The following GALNT17 variants were observed in gnomAD, a reference collection of about 807,000 sequenced individuals.
GALNT17 encodes the protein polypeptide N-acetylgalactosaminyltransferase 17.
Under a neutral mutation model 63.7 loss-of-function variants are expected in GALNT17, and 29 were observed. That is an observed-to-expected ratio of 0.46 (90% confidence interval 0.34 to 0.62). The LOEUF (loss-of-function observed/expected upper bound fraction) is 0.62. Ranked by LOEUF, GALNT17 falls within the 20% of genes least tolerant of loss-of-function variation. GALNT17 has a pLI of 0.01. For missense variants in GALNT17, 603 were observed against 799.6 expected (o/e 0.75, Z 2.97); for synonymous variants, 305 against 318.3 (o/e 0.96, Z 0.45).
chr7:71,650,249 CTATT>C (rs1447890686), intron 6 of GALNT17, among the ~76,000 whole-genome samples: 2 of 152,136 alleles, frequency 1.3e-5, no homozygotes, highest in Non-Finnish European at 2.9e-5. Flanking sequence ...ATCAATCATG[CTATT>C]TATTTATTTT....
intron 5 of GALNT17, among the ~76,000 whole-genome samples, chr7:71,469,167 C>A (rs964463682): frequency 8.6e-5 from 13 of 151,966 alleles, no homozygotes; most frequent in African/African-American, 3.1e-4. Flanking sequence ...TGTGAAGGTT[C>A]TAAGGTGGAA....
chr7:71,646,769 T>C (rs993945924), intron 6 of GALNT17, among the ~76,000 whole-genome samples: 1 of 131,944 alleles, frequency 7.6e-6, no homozygotes, highest in African/African-American at 3.0e-5. Flanking sequence ...TTTTTTGAGA[T>C]AGAGTCTCGC....
intron 5 of GALNT17, among the ~76,000 whole-genome samples, chr7:71,463,888 C>T (rs1322699848): frequency 6.6e-6 from 1 of 152,162 alleles, no homozygotes; most frequent in African/African-American, 2.4e-5. Flanking sequence ...GGCTTCTTTA[C>T]TGCAACCCGT....
intron 5 of GALNT17, among the ~76,000 whole-genome samples, chr7:71,478,727 T>C (rs889686111): frequency 6.6e-6 from 1 of 152,062 alleles, no homozygotes; most frequent in Non-Finnish European, 1.5e-5. Flanking sequence ...GAAGGGTGGC[T>C]TCACAGACAA....
At chr7:71,377,837 C>CT (rs1792773672) in intron 2 of GALNT17, among the ~76,000 whole-genome samples, 1 of 152,150 alleles carries the variant, frequency 6.6e-6, no homozygotes, top group Admixed American at 6.5e-5. Context: ...CCTTCCTTCT[C>CT]TCTCCTGCCG....
chr7:71,467,628 C>T (rs1027930101), intron 5 of GALNT17, among the ~76,000 whole-genome samples: 3 of 152,012 alleles, frequency 2.0e-5, no homozygotes, highest in Admixed American at 2.0e-4. Flanking sequence ...GTGAATCCTG[C>T]TTATCTGACC....
chr7:71,401,111 T>C (rs902531963), intron 3 of GALNT17, among the ~76,000 whole-genome samples: 2 of 149,984 alleles, frequency 1.3e-5, no homozygotes, highest in Non-Finnish European at 3.0e-5. Context: ...TTTTTTTTTT[T>C]CTGAGACAGG....
At chr7:71,360,040 C>T (rs1792369085) in intron 2 of GALNT17, among the ~76,000 whole-genome samples, 1 of 152,010 alleles carries the variant, frequency 6.6e-6, no homozygotes. Flanking sequence ...CATTAAAATC[C>T]CTTGAGGCTC....
At chr7:71,350,448 A>G (rs1792169898) in intron 2 of GALNT17, among the ~76,000 whole-genome samples, 1 of 152,158 alleles carries the variant, frequency 6.6e-6, no homozygotes. Context: ...GACCCTTAAA[A>G]TCCCTGGGTT....
intron 1 of GALNT17, among the ~76,000 whole-genome samples, chr7:71,188,401 A>G (rs779795862): frequency 3.2e-4 from 49 of 152,000 alleles, no homozygotes; most frequent in Middle Eastern, 3.4e-3. Flanking sequence ...TTATTTTGTT[A>G]CTTTTTTTGA....
chr7:71,667,681 C>T (rs372454336), intron 7 of GALNT17, among the ~76,000 whole-genome samples: 1 of 152,118 alleles, frequency 6.6e-6, no homozygotes, highest in African/African-American at 2.4e-5. Flanking sequence ...AAAAGGGGCT[C>T]GTTCAAGGTC....
chr7:71,374,346 A>G (rs912536350), intron 2 of GALNT17, among the ~76,000 whole-genome samples: 8 of 152,248 alleles, frequency 5.3e-5, no homozygotes, highest in African/African-American at 1.7e-4. Context: ...GAGATAATGT[A>G]TAGGCTGTAC....
intron 2 of GALNT17, among the ~76,000 whole-genome samples, chr7:71,379,571 T>G (rs1440130497): frequency 2.0e-5 from 3 of 152,006 alleles, no homozygotes; most frequent in African/African-American, 7.3e-5. Context: ...AAGGGACAAA[T>G]GTCACACAGA....
intron 2 of GALNT17, among the ~76,000 whole-genome samples, chr7:71,368,816 A>AT (rs1209881952): frequency 6.7e-6 from 1 of 150,022 alleles, no homozygotes; most frequent in African/African-American, 2.5e-5. Context: ...GAAGAAACAG[A>AT]TTTTTAAACT....
chr7:71,537,586 C>CA (rs1312829978), intron 5 of GALNT17, among the ~76,000 whole-genome samples: 3 of 152,064 alleles, frequency 2.0e-5, no homozygotes, highest in African/African-American at 7.2e-5. Context: ...CCGAGGCAGG[C>CA]AGATCACTTG....
At chr7:71,674,296 A>C (rs531687466) in intron 8 of GALNT17, among the ~76,000 whole-genome samples, 1 of 152,136 alleles carries the variant, frequency 6.6e-6, no homozygotes, top group Admixed American at 6.5e-5. Context: ...TATAGTGTTA[A>C]ATGAAAGAAA....
intron 6 of GALNT17, among the ~76,000 whole-genome samples, chr7:71,585,360 C>T (rs2116906842): frequency 6.6e-6 from 1 of 152,286 alleles, no homozygotes; most frequent in Middle Eastern, 3.4e-3. Context: ...ACTGCCTACA[C>T]CCATTAATTC....
intron 3 of GALNT17, among the ~76,000 whole-genome samples, chr7:71,392,115 A>G (rs1793062580): frequency 6.6e-6 from 1 of 152,196 alleles, no homozygotes; most frequent in Non-Finnish European, 1.5e-5. Context: ...TTTGGAGGGG[A>G]CAAATATTCA....
intron 5 of GALNT17, among the ~76,000 whole-genome samples, chr7:71,477,550 C>T (rs759392188): frequency 7.9e-5 from 12 of 152,144 alleles, no homozygotes; most frequent in Non-Finnish European, 1.5e-4. Flanking sequence ...GAGGGCAGTA[C>T]CTAGAGCCGG....
Sources: allele counts gnomAD v4.1 joint callset (sites outside exome capture counted in the v4.1 genomes callset), GRCh38; gene constraint gnomAD v4.1.1; transcripts MANE v1.5; gene names NCBI Gene and HGNC (gene_info 2026-07-23, HGNC 2026-07-21).